The following NEO1 variants were observed in gnomAD, a reference collection of about 807,000 sequenced individuals.
The protein encoded by NEO1 is neogenin 1, also known as neogenin.
A neutral mutation model predicts 159.7 loss-of-function variants in NEO1; 63 were observed. The ratio of observed to expected loss-of-function variants is 0.39; its 90% CI spans 0.32 to 0.49. The LOEUF (loss-of-function observed/expected upper bound fraction) is 0.49, where lower values mean the gene tolerates loss of function less well. Ranked by LOEUF, NEO1 falls within the 20% of genes least tolerant of loss-of-function variation. The probability of loss-of-function intolerance (pLI) is 0.85; values close to 1 mark genes in which losing one functional copy is unlikely to be tolerated. For synonymous variants in NEO1, 633 were observed against 662.0 expected, an observed-to-expected ratio of 0.96 and a Z score of 0.67; for missense variants, 1,615 against 1,831.0, an observed-to-expected ratio of 0.88 and a Z score of 2.15.
intron 7 of NEO1, among the ~76,000 whole-genome samples, chr15:73,234,730 G>A (rs1000670541): frequency 6.6e-6 from 1 of 151,872 alleles, no homozygotes; most frequent in Non-Finnish European, 1.5e-5. Flanking sequence ...ACTACCAAGG[G>A]AGGAGAAAAA....
intron 25 of NEO1, among the ~76,000 whole-genome samples, chr15:73,292,479 GT>G (rs1567714286): frequency 6.6e-6 from 1 of 152,202 alleles, no homozygotes; most frequent in Non-Finnish European, 1.5e-5. Context: ...CTCCAAGGGA[GT>G]TCCTCAGAAA....
At chr15:73,104,848 G>A (rs2070594895) in intron 1 of NEO1, among the ~76,000 whole-genome samples, 1 of 152,060 alleles carries the variant, frequency 6.6e-6, no homozygotes, top group Admixed American at 6.6e-5. Flanking sequence ...GAGTGGAGGG[G>A]AAGGTGCCAC....
chr15:73,264,794 T>A (rs2040807206), intron 15 of NEO1, among the ~76,000 whole-genome samples: 1 of 152,192 alleles, frequency 6.6e-6, no homozygotes, highest in African/African-American at 2.4e-5. Flanking sequence ...AGTTAATGCC[T>A]TCTCCCTCAA....
chr15:73,053,167 A>T (rs1191136042), intron 1 of NEO1, among the ~76,000 whole-genome samples: 1 of 152,136 alleles, frequency 6.6e-6, no homozygotes, highest in Non-Finnish European at 1.5e-5. Context: ...TACACACCTC[A>T]TTAAATAAAC....
chr15:73,288,584 G>A (rs1261664670), intron 24 of NEO1, 33 bp downstream of exon 24: 1 of 1,542,842 alleles, frequency 6.5e-7, no homozygotes, highest in Non-Finnish European at 8.9e-7. Flanking sequence ...TTTCTCAAAT[G>A]TTAGGAAACT....
rs2071730747 is a variant in NEO1 at position 73,122,520 on chromosome 15, TCC to T, written c.449-4_449-3del. 6.2e-7 allele frequency: 1 copy of T among 1,612,960 alleles called. No individual in the cohort carries two copies. The highest frequency in any genetic ancestry group is 1.3e-5 in the African/African-American group (1 of 74,876). ...TTTTATTTCTTCTCTTCCTTTATTG[TCC>T]AGGTCTTCCAAGATTTACCAGCCAA... On this transcript the variant is annotated splice_region_variant and splice_polypyrimidine_tract_variant and intron_variant, in intron 2 of 28. Coordinates refer to ENST00000261908, the MANE Select transcript of NEO1 (RefSeq NM_002499.4).
chr15:73,168,393 C>T (rs1233657543), intron 5 of NEO1, among the ~76,000 whole-genome samples: 1 of 109,032 alleles, frequency 9.2e-6, no homozygotes, highest in Admixed American at 9.4e-5. Flanking sequence ...GGGGGGGGGT[C>T]TCACCATGTT....
chr15:73,083,009 G>A (rs945539867), intron 1 of NEO1, among the ~76,000 whole-genome samples: 4 of 152,292 alleles, frequency 2.6e-5, no homozygotes, highest in Middle Eastern at 3.4e-3. Flanking sequence ...AAATAACAGA[G>A]TGCCTGGAAT....
At chr15:73,207,232 A>G (rs1391848607) in intron 7 of NEO1, among the ~76,000 whole-genome samples, 1 of 152,224 alleles carries the variant, frequency 6.6e-6, no homozygotes, top group Non-Finnish European at 1.5e-5. Context: ...ACTATATTTT[A>G]ATCATTACTT....
chr15:73,302,432 A>T (rs2042656296), intron 28 of NEO1, among the ~76,000 whole-genome samples, 181 bp from the exon 29 acceptor site: 2 of 152,060 alleles, frequency 1.3e-5, no homozygotes, highest in Admixed American at 1.3e-4. Flanking sequence ...AGGAAACGGG[A>T]TCCTAGTGAC....
At chr15:73,166,996 ACCATCAT>A (rs1027599290) in intron 5 of NEO1, among the ~76,000 whole-genome samples, 1 of 151,828 alleles carries the variant, frequency 6.6e-6, no homozygotes, top group African/African-American at 2.4e-5. Flanking sequence ...GAAGCTGGAA[ACCATCAT>A]TCTCAGCAAA....
Position 73,065,323 on chromosome 15 carries a change from G to C in NEO1, c.130+12518G>C, listed in dbSNP as rs190575452. Among the ~76,000 whole-genome samples, 191 of 147,934 alleles carry C rather than the reference G, an allele frequency of 1.3e-3. 1 individual carries two copies. Among genetic ancestry groups the C allele is most frequent in the Non-Finnish European group, 2.1e-3 (142 of 67,070 alleles). ...TCATTTTTTTTTTTTCTGCATCTCT[G>C]ATCTTTCATCTGGGATCATTTCTTT... On this transcript the variant is annotated intron_variant, in intron 1 of 28. Transcript: ENST00000261908.
intron 26 of NEO1, among the ~76,000 whole-genome samples, chr15:73,295,314 C>T (rs1424573524): frequency 1.3e-5 from 2 of 151,796 alleles, no homozygotes; most frequent in Admixed American, 6.6e-5. Flanking sequence ...GCAGCCTCCA[C>T]ACCTGCTCTT....
chr15:73,183,595 A>G (rs1024186081), intron 7 of NEO1, among the ~76,000 whole-genome samples: 1 of 152,182 alleles, frequency 6.6e-6, no homozygotes, highest in African/African-American at 2.4e-5. Flanking sequence ...TGCCACAGGA[A>G]GAAGAGCCAG....
chr15:73,296,776 A>G (rs1295357401), intron 26 of NEO1, among the ~76,000 whole-genome samples: 1 of 152,182 alleles, frequency 6.6e-6, no homozygotes. Context: ...AAGGGCAGGT[A>G]GTGTACGCAG....
chr15:73,093,614 C>T (rs1011848248), intron 1 of NEO1, among the ~76,000 whole-genome samples: 1 of 151,540 alleles, frequency 6.6e-6, no homozygotes, highest in Admixed American at 6.6e-5. Context: ...TGCTCTGTCA[C>T]CCAGGCTGGA....
At chr15:73,145,137 T>TA (rs1017644146) in intron 5 of NEO1, among the ~76,000 whole-genome samples, 1 of 152,112 alleles carries the variant, frequency 6.6e-6, no homozygotes, top group Admixed American at 6.5e-5. Flanking sequence ...TAATATCTGT[T>TA]AAAAAAGGGG....
At position 73,193,628 on chromosome 15, in the gene NEO1, A is replaced by G. The variant is rs564719953; in HGVS notation, c.1291+15201A>G. On this transcript the variant is annotated intron_variant, in intron 7 of 28. Transcript: ENST00000261908. ...AGTGTGCCTAAGACAATCCCCCAGC[A>G]TAATTACCAAAAAGTGTCTCCTTTC... Among the ~76,000 whole-genome samples the G allele has an allele frequency of 4.0e-5, 6 of 148,670 alleles. No individual in the cohort carries two copies. In the South Asian group the frequency reaches 1.1e-3, roughly 27 times the overall value.
At chr15:73,125,290 G>T (rs2030043612) in intron 3 of NEO1, among the ~76,000 whole-genome samples, 1 of 152,232 alleles carries the variant, frequency 6.6e-6, no homozygotes, top group Non-Finnish European at 1.5e-5. Flanking sequence ...ATTAATGTCA[G>T]TCATAGAAAT....
Sources: gnomAD v4.1 joint callset for allele counts (sites outside exome capture counted in the v4.1 genomes callset) on GRCh38, gnomAD v4.1.1 for gene constraint, MANE v1.5 for transcripts, NCBI Gene and HGNC (gene_info 2026-07-23, HGNC 2026-07-21) for gene names.